The following TBC1D14 variants were observed in gnomAD, a reference collection of about 807,000 sequenced individuals.
TBC1D14 encodes the protein TBC1 domain family, member 14.
TBC1D14 carries 26 observed loss-of-function variants against 79.0 expected under a neutral mutation model. The ratio of observed to expected loss-of-function variants is 0.33; its 90% CI spans 0.24 to 0.46. The LOEUF (loss-of-function observed/expected upper bound fraction) is 0.46, where lower values mean the gene tolerates loss of function less well. TBC1D14 is among the 20% of genes least tolerant of loss of function. The pLI is 1.00. For missense variants in TBC1D14, 769 were observed against 887.6 expected (o/e 0.87, Z 1.70); for synonymous variants, 394 against 349.9 (o/e 1.13, Z -1.40).
At chr4:6,982,126 G>C (rs991589599) in intron 3 of TBC1D14, among the ~76,000 whole-genome samples, 12 of 152,248 alleles carry the variant, frequency 7.9e-5, no homozygotes, top group African/African-American at 2.9e-4. Context: ...CCCACTCTTA[G>C]GTGTTTGCCA....
chr4:7,015,365 C>T (rs990319933), intron 12 of TBC1D14, among the ~76,000 whole-genome samples: 3 of 151,990 alleles, frequency 2.0e-5, no homozygotes, highest in South Asian at 2.1e-4. Flanking sequence ...CTCTTGACTG[C>T]GGTTGGGGAA....
intron 2 of TBC1D14, among the ~76,000 whole-genome samples, chr4:6,925,659 C>G (rs1459313338): frequency 2.0e-5 from 3 of 152,146 alleles, no homozygotes; most frequent in Non-Finnish European, 4.4e-5. Context: ...AGCACAGTTC[C>G]TGGTCTCAGA....
chr4:6,932,448 C>T (rs1365819141), intron 2 of TBC1D14, among the ~76,000 whole-genome samples: 1 of 151,626 alleles, frequency 6.6e-6, no homozygotes, highest in Admixed American at 6.6e-5. Flanking sequence ...GGAGAGTGAT[C>T]CAGCAAGGGA....
chr4:6,945,546 C>G (rs11723508), intron 2 of TBC1D14, among the ~76,000 whole-genome samples: 1 of 151,854 alleles, frequency 6.6e-6, no homozygotes, highest in Non-Finnish European at 1.5e-5. Flanking sequence ...GTTTGGAGTT[C>G]GAGACCAGCC....
intron 6 of TBC1D14, among the ~76,000 whole-genome samples, 165 bp downstream of exon 6, chr4:6,999,367 C>CT (rs894477298): frequency 2.0e-4 from 30 of 152,156 alleles, no homozygotes; most frequent in African/African-American, 7.2e-4. Context: ...CCATCCCTTG[C>CT]TTGGAGACTG....
intron 2 of TBC1D14, among the ~76,000 whole-genome samples, chr4:6,933,294 T>G (rs192272796): frequency 8.9e-5 from 1 of 11,290 alleles, no homozygotes. Context: ...CCCTTCCCCT[T>G]CCCCTTCCCC....
At chr4:6,966,604 C>G (rs1327679693) in intron 2 of TBC1D14, among the ~76,000 whole-genome samples, 1 of 152,174 alleles carries the variant, frequency 6.6e-6, no homozygotes, top group Non-Finnish European at 1.5e-5. Flanking sequence ...GAACATGGGG[C>G]AGTGTGCCCT....
At chr4:6,984,847 G>GTGTTC (rs1717678776) in intron 3 of TBC1D14, among the ~76,000 whole-genome samples, 2 of 152,358 alleles carry the variant, frequency 1.3e-5, no homozygotes, top group African/African-American at 4.8e-5. Flanking sequence ...GGGACTGTCT[G>GTGTTC]TGTTCTAAGT....
intron 2 of TBC1D14, among the ~76,000 whole-genome samples, chr4:6,951,372 A>G (rs1269447227): frequency 6.6e-6 from 1 of 152,214 alleles, no homozygotes; most frequent in Non-Finnish European, 1.5e-5. Flanking sequence ...TTTATTGTAT[A>G]TGAATTGAAA....
chr4:7,027,384 C>T (rs926193009), intron 13 of TBC1D14, among the ~76,000 whole-genome samples: 1 of 140,388 alleles, frequency 7.1e-6, no homozygotes, highest in African/African-American at 2.7e-5. Flanking sequence ...ATTCACCCCC[C>T]ATCTCACACA....
At chr4:6,999,059 T>TTGTTTTTCTAAATTG in intron 5 of TBC1D14, 26 bp from the exon 6 acceptor site, 1 of 1,609,198 alleles carries the variant, frequency 6.2e-7, no homozygotes, top group South Asian at 1.1e-5. Flanking sequence ...TAGTAGATTG[T>TTGTTTTTCTAAATTG]TGTTTTTCTA....
intron 6 of TBC1D14, 112 bp from the exon 7 acceptor site, chr4:7,001,033 G>A: frequency 1.3e-6 from 1 of 793,262 alleles, no homozygotes; most frequent in Non-Finnish European, 2.1e-6. Context: ...GGCAGGGGCT[G>A]TGCCTGATGC....
chr4:6,974,583 C>T lies in TBC1D14; in HGVS notation c.843+7159C>T, dbSNP rs142597644. Among the ~76,000 whole-genome samples, 55 of 152,294 alleles carry T rather than the reference C, an allele frequency of 3.6e-4. No individual in the cohort carries two copies. The East Asian group carries it at 9.9e-3, about 27-fold the overall frequency. On this transcript the variant is annotated intron_variant, in intron 3 of 13. Transcript: ENST00000409757. ...CCCTAACTGGCCACTGGATGGTGCA[C>T]AGGCAGGATGGATCCAAAAAGCGCT...
intron 7 of TBC1D14, 67 bp from the exon 8 acceptor site, chr4:7,004,777 T>A (rs562500743): frequency 1.4e-5 from 19 of 1,398,298 alleles, no homozygotes; most frequent in Non-Finnish European, 1.7e-5. Flanking sequence ...AATAGTACTG[T>A]GTTCTGTGGT....
chr4:6,999,006 T>C, intron 5 of TBC1D14, 79 bp from the exon 6 acceptor site: 1 of 1,417,680 alleles, frequency 7.1e-7, no homozygotes, highest in Non-Finnish European at 9.9e-7. Flanking sequence ...GTGTTCGCAG[T>C]GTGACAGGAA....
At chr4:7,009,852 G>GT (rs1560344402) in intron 9 of TBC1D14, 25 bp from the exon 10 acceptor site, 1 of 1,613,820 alleles carries the variant, frequency 6.2e-7, no homozygotes, top group Non-Finnish European at 8.5e-7. Flanking sequence ...TGCATGTGTT[G>GT]TTTTTGCTGT....
At chr4:6,935,402 C>G (rs1365258939) in intron 2 of TBC1D14, among the ~76,000 whole-genome samples, 2 of 152,068 alleles carry the variant, frequency 1.3e-5, no homozygotes, top group Non-Finnish European at 2.9e-5. Context: ...ATCTAGAGTT[C>G]AACAGAGAAG....
intron 2 of TBC1D14, among the ~76,000 whole-genome samples, chr4:6,935,266 G>T (rs1007347681): frequency 5.3e-5 from 8 of 152,138 alleles, no homozygotes; most frequent in African/African-American, 1.7e-4. Context: ...GAAATACAGG[G>T]TTTTGTTTGT....
At position 7,006,517 on chromosome 4, in the gene TBC1D14, G is replaced by A. The variant is rs753168937; in HGVS notation, c.1352-115G>A. 5.4e-6 allele frequency: 4 copies of A among 746,300 alleles called. No individual in the cohort carries two copies. The East Asian group carries it at 1.1e-4, about 20-fold the overall frequency. The allele number at this position is 746,300 out of a possible 1,614,324, so 46.2% of individuals were successfully genotyped here. A position where few individuals can be genotyped will look rare whatever the true frequency, so the allele number is the denominator to read the frequency against. Reference sequence around the variant, plus strand: ...TCTGAGTCAAGATGTGATTAGGTCAGTGTGCTTCTGAAAAACTTTTTTCCG... The same window carrying A: ...TCTGAGTCAAGATGTGATTAGGTCAATGTGCTTCTGAAAAACTTTTTTCCG... On this transcript the variant is annotated intron_variant, in intron 8 of 13. Coordinates refer to ENST00000409757, the MANE Select transcript of TBC1D14 (RefSeq NM_020773.3).
Sources: allele counts gnomAD v4.1 joint callset (sites outside exome capture counted in the v4.1 genomes callset), GRCh38; gene constraint gnomAD v4.1.1; transcripts MANE v1.5; gene names NCBI Gene and HGNC (gene_info 2026-07-23, HGNC 2026-07-21).